Variants in G3BP1 observed in about 807,000 individuals in gnomAD.
G3BP1 encodes G3BP stress granule assembly factor 1, also known as ras GTPase-activating protein-binding protein 1.
G3BP1 carries 35 observed loss-of-function variants against 58.6 expected under a neutral mutation model. The observed-to-expected ratio is 0.60, with a 90% CI of 0.46 to 0.79. The LOEUF is 0.79. Among genes scored for constraint, G3BP1 ranks in the 30% least tolerant of loss-of-function variants. The pLI is 0.00. For synonymous variants in G3BP1, 191 were observed against 195.4 expected, an observed-to-expected ratio of 0.98 and a Z score of 0.19; for missense variants, 523 against 580.8, an observed-to-expected ratio of 0.90 and a Z score of 1.02.
chr5:151,787,832 A>G (rs1581575814), intron 2 of G3BP1: 1 of 81,690 alleles, frequency 1.2e-5, no homozygotes, highest in East Asian at 2.7e-4. Flanking sequence ...CAATATGAAT[A>G]TTTTCAATTC....
intron 1 of G3BP1, among the ~76,000 whole-genome samples, chr5:151,777,298 A>G (rs1331334851): frequency 6.6e-6 from 1 of 152,242 alleles, no homozygotes; most frequent in African/African-American, 2.4e-5. Context: ...CAAAAATTTA[A>G]TATATTCTCA....
chr5:151,788,955 T>C (rs537445296), intron 2 of G3BP1, among the ~76,000 whole-genome samples: 27 of 152,214 alleles, frequency 1.8e-4, no homozygotes, highest in Admixed American at 5.2e-4. Flanking sequence ...TTTTGTGTTT[T>C]TGGTGGAGAC....
At chr5:151,791,933 T>A in intron 4 of G3BP1, 1 of 365,618 alleles carries the variant, frequency 2.7e-6, no homozygotes, top group Non-Finnish European at 5.4e-6. Context: ...GGATTACAGG[T>A]GTGAGCCACC....
chr5:151,773,085 G>A (rs573455910), intron 1 of G3BP1, among the ~76,000 whole-genome samples: 1 of 152,356 alleles, frequency 6.6e-6, no homozygotes, highest in South Asian at 2.1e-4. Flanking sequence ...TTCCTCATCG[G>A]GTTTGAATCT....
At chr5:151,772,117 G>A (rs920411190) in intron 1 of G3BP1, 81 bp downstream of exon 1, 1 of 151,996 alleles carries the variant, frequency 6.6e-6, no homozygotes. Flanking sequence ...AAGTCTGAGT[G>A]GCGCTCGCGG....
chr5:151,791,869 C>G, intron 4 of G3BP1: 1 of 319,478 alleles, frequency 3.1e-6, no homozygotes, highest in South Asian at 2.5e-5. Context: ...ATTCGTCAGG[C>G]TGGTCTCTAA....
In G3BP1 at chr5:151,788,572, ATGTGTGTGTGTG is replaced by A. The variant is rs10634385; in HGVS notation, c.96-1721_96-1710del. Among the ~76,000 whole-genome samples the A allele has an allele frequency of 1.2e-3, 156 of 133,326 alleles. 1 individual carries two copies. The East Asian group carries it at 0.021, about 18-fold the overall frequency. The allele number at this position is 133,326 out of a possible 152,430, so 87.5% of individuals were successfully genotyped here. ...CACTACCATGCCCAGCTAAGTTTATATGTGTGTGTGTGTGTGTGTGTGTGTGTGTGTGTGTGT... is the reference window on the plus strand; with the variant it reads ...CACTACCATGCCCAGCTAAGTTTATATGTGTGTGTGTGTGTGTGTGTGTGT... On this transcript the variant is annotated intron_variant, in intron 2 of 11. Coordinates refer to ENST00000356245, the MANE Select transcript of G3BP1 (RefSeq NM_005754.3).
intron 3 of G3BP1, 80 bp downstream of exon 3, chr5:151,790,484 A>G: frequency 1.5e-6 from 1 of 677,420 alleles, no homozygotes; most frequent in Non-Finnish European, 2.5e-6. Flanking sequence ...TACTTAATAG[A>G]TTTGCTGATA....
At position 151,811,033 on chromosome 5, in the gene G3BP1, G is replaced by A. The variant is rs1763010516; in HGVS notation, c.*6942G>A. The A allele has an allele frequency of 6.6e-6, 1 of 152,170 alleles. No homozygotes were observed. Among genetic ancestry groups the A allele is most frequent in the African/African-American group, 2.4e-5 (1 of 41,438 alleles). 9.4% of individuals were successfully genotyped at this position (152,170 alleles called of 1,614,324 possible). Reference sequence around the variant, plus strand: ...AGTTCATGACATCATCCATGCTAAAGTCTGAGTCATCTGCTTCCATTTTTG... The same window carrying A: ...AGTTCATGACATCATCCATGCTAAAATCTGAGTCATCTGCTTCCATTTTTG... On this transcript the variant is annotated 3_prime_UTR_variant, in exon 12 of 12. Transcript: ENST00000356245.
intron 1 of G3BP1, among the ~76,000 whole-genome samples, chr5:151,784,200 T>C (rs1055104139): frequency 4.6e-5 from 7 of 152,182 alleles, no homozygotes; most frequent in African/African-American, 1.7e-4. Flanking sequence ...GGCCCTAGCA[T>C]TCCTCGTGCC....
chr5:151,780,344 A>G (rs1431224421), intron 1 of G3BP1, among the ~76,000 whole-genome samples: 2 of 152,158 alleles, frequency 1.3e-5, no homozygotes, highest in East Asian at 1.9e-4. Context: ...ATATGATATT[A>G]TATTTTCTTA....
At chr5:151,800,458 T>TA (rs372020718) in intron 10 of G3BP1, 112 bp downstream of exon 10, 10,385 of 549,144 alleles carry the variant, frequency 0.019, no homozygotes, top group South Asian at 0.026. Context: ...TAGTCATGGT[T>TA]AAAAAAAAAA....
chr5:151,792,653 G>A (rs1762679968), intron 4 of G3BP1, among the ~76,000 whole-genome samples: 2 of 152,084 alleles, frequency 1.3e-5, no homozygotes, highest in Non-Finnish European at 2.9e-5. Flanking sequence ...ACCCAGGCTG[G>A]AGTGCAGTGG....
At position 151,809,533 on chromosome 5, in the gene G3BP1, A is replaced by G. The variant is rs557403273; in HGVS notation, c.*5442A>G. ...TTTGAGTGAGAAGCATCAGACTTAA[A>G]TTTTTTTCTTCTATTTTGGTTATTA... On this transcript the variant is annotated 3_prime_UTR_variant, in exon 12 of 12. Coordinates refer to ENST00000356245, the MANE Select transcript of G3BP1 (RefSeq NM_005754.3). The G allele has an allele frequency of 1.3e-5, 2 of 152,102 alleles. No homozygotes were observed. The highest frequency in any genetic ancestry group is 2.9e-5 in the Non-Finnish European group (2 of 68,004). The allele number at this position is 152,102 out of a possible 1,614,324, so 9.4% of individuals were successfully genotyped here.
chr5:151,801,855 C>A (rs1408890149), intron 11 of G3BP1, among the ~76,000 whole-genome samples: 1 of 151,734 alleles, frequency 6.6e-6, no homozygotes, highest in Non-Finnish European at 1.5e-5. Context: ...CTCTCTGCCA[C>A]CCAGGCTGGA....
Position 151,784,700 on chromosome 5 carries a change from A to AT in G3BP1, c.-49-1864dup, listed in dbSNP as rs1007695155. On this transcript the variant is annotated intron_variant, in intron 1 of 11. Transcript: ENST00000356245. ...TTAAATAGTGAAGCAGTATACTTTCATTTTTTTTACTAAAAGGAAGTACAT... is the reference window on the plus strand; with the variant it reads ...TTAAATAGTGAAGCAGTATACTTTCATTTTTTTTTACTAAAAGGAAGTACAT... Among the ~76,000 whole-genome samples the AT allele has an allele frequency of 9.2e-5, 14 of 151,982 alleles. 1 individual carries two copies. The highest frequency in any genetic ancestry group is 4.2e-4 in the South Asian group (2 of 4,812).
intron 1 of G3BP1, among the ~76,000 whole-genome samples, chr5:151,778,171 T>G (rs1436539685): frequency 6.6e-6 from 1 of 152,164 alleles, no homozygotes; most frequent in Non-Finnish European, 1.5e-5. Flanking sequence ...TTAAAGAAAC[T>G]CCCTGTTTTC....
At chr5:151,792,946 C>T (rs1038042578) in intron 4 of G3BP1, among the ~76,000 whole-genome samples, 1 of 152,076 alleles carries the variant, frequency 6.6e-6, no homozygotes, top group African/African-American at 2.4e-5. Flanking sequence ...GAGTAACAGC[C>T]TTAGAAACTG....
intron 6 of G3BP1, among the ~76,000 whole-genome samples, chr5:151,796,410 A>G (rs1762750390): frequency 6.6e-6 from 1 of 152,158 alleles, no homozygotes; most frequent in South Asian, 2.1e-4. Context: ...CTGGGACTAC[A>G]GGCGCACGCC....
Sources: gnomAD v4.1 joint callset for allele counts (sites outside exome capture counted in the v4.1 genomes callset) on GRCh38, gnomAD v4.1.1 for gene constraint, MANE v1.5 for transcripts, NCBI Gene and HGNC (gene_info 2026-07-23, HGNC 2026-07-21) for gene names.